Variants in HAGHL observed in about 807,000 individuals in gnomAD.
HAGHL encodes the protein hydroxyacylglutathione hydrolase like, also known as hydroxyacylglutathione hydrolase-like protein.
Under a neutral mutation model 29.2 loss-of-function variants are expected in HAGHL, and 27 were observed. That is an observed-to-expected ratio of 0.92 (90% CI 0.68 to 1.27). The LOEUF is 1.27. Among genes scored for constraint, HAGHL ranks in the 50% most tolerant of loss-of-function variants. The probability of loss-of-function intolerance (pLI) is 0.00; values close to 1 mark genes in which losing one functional copy is unlikely to be tolerated. For missense variants in HAGHL, 529 were observed against 405.5 expected (o/e 1.30, Z -2.62); for synonymous variants, 223 against 185.7 (o/e 1.20, Z -1.63).
In HAGHL at chr16:728,284, C is replaced by A. The variant is rs536060448; in HGVS notation, c.289-32C>A. On this transcript the variant is annotated intron_variant, in intron 3 of 7. Coordinates refer to ENST00000389703, the MANE Select transcript of HAGHL (RefSeq NM_032304.4). ...GGGGAGGGCGCCCCGGGTCCACCCG[C>A]CCTCACAGGTCCGCCTGCTCCTCCG... 6.6e-6 allele frequency: 10 copies of A among 1,518,884 alleles called. No homozygotes were observed. The Admixed American group carries it at 1.0e-4, about 15-fold the overall frequency. The allele number at this position is 1,518,884 out of a possible 1,614,324, so 94.1% of individuals were successfully genotyped here.
In HAGHL at chr16:728,942, C is replaced by T. The variant is rs1259029354; in HGVS notation, c.600+47C>T. 6 of 1,434,994 alleles carry T rather than the reference C, an allele frequency of 4.2e-6. No individual in the cohort carries two copies. The African/African-American group carries it at 7.8e-5, about 19-fold the overall frequency. 88.9% of individuals were successfully genotyped at this position (1,434,994 alleles called of 1,614,324 possible). The stretch of plus-strand genomic sequence containing the variant: ...GGCAAGAGGGTGGGGGGGGAGGGAA[C>T]AGGCTTCGGGGTGGGGGGGGCTCTC... On this transcript the variant is annotated intron_variant, in intron 6 of 7. Transcript: ENST00000389703.
rs1473383393 is a variant in HAGHL at position 728,420 on chromosome 16, C to T, written c.393C>T (p.Phe131=). 28 of 1,105,618 alleles carry T rather than the reference C, an allele frequency of 2.5e-5. No homozygotes were observed. The highest frequency in any genetic ancestry group is 3.1e-5 in the Non-Finnish European group (25 of 802,764). The allele number at this position is 1,105,618 out of a possible 1,614,324, so 68.5% of individuals were successfully genotyped here. A position where few individuals can be genotyped will look rare whatever the true frequency, so the allele number is the denominator to read the frequency against. ...ATTGCCCGGACCCACCCGCCCTGTT[C>T]TCGGGTACCCGCAGCGCGGAGCGCG... The part of the protein sequence containing the change: ...EDDCPDPPAL[F]SGDALSVAGC... The change falls in exon 4 of 8, where the codon TTC becomes TTT. Residue 131 remains phenylalanine (F), a synonymous_variant. Transcript: ENST00000389703.
Position 727,273 on chromosome 16 carries a change from C to T in HAGHL, c.-237C>T. The T allele has an allele frequency of 2.2e-6, 1 of 454,030 alleles. No individual in the cohort carries two copies. The highest frequency in any genetic ancestry group is 3.9e-6 in the Non-Finnish European group (1 of 253,644). The allele number at this position is 454,030 out of a possible 1,614,324, so 28.1% of individuals were successfully genotyped here. ...CTGGGGCTCGGACTGGGGGCGGAGC[C>T]GGGGCTGGTTGGGGACCGGCCGGGT... is the stretch of plus-strand genomic sequence containing the variant. On this transcript the variant is annotated 5_prime_UTR_variant, in exon 1 of 8. Coordinates refer to ENST00000389703, the MANE Select transcript of HAGHL (RefSeq NM_032304.4).
Position 729,074 on chromosome 16 carries a change from C to G in HAGHL, c.666C>G (p.Pro222=). Residue 222 remains proline, a synonymous_variant, in exon 7 of 8, where the codon CCC becomes CCG. Transcript: ENST00000389703. ...TGGGCGAGGAGCGCCTCTACAACCCCTTCCTGCGGGTGGCGTGAGTATGGC... is the reference window on the plus strand; with the variant it reads ...TGGGCGAGGAGCGCCTCTACAACCCGTTCCTGCGGGTGGCGTGAGTATGGC... ...STLGEERLYN[P]FLRVAEEPVR... The G allele has an allele frequency of 6.2e-7, 1 of 1,609,554 alleles. No homozygotes were observed. Among genetic ancestry groups the G allele is most frequent in the Non-Finnish European group, 8.5e-7 (1 of 1,179,800 alleles).
Position 728,016 on chromosome 16 carries a change from A to C in HAGHL, c.157A>C (p.Thr53Pro), listed in dbSNP as rs1351104168. The C allele has an allele frequency of 6.3e-7, 1 of 1,598,394 alleles. No homozygotes were observed. ...EGVSLTAVLT[T>P]HHHWDHARGN... ...GGTGTCTCTGACCGCTGTGCTGACC[A>C]CCCACCATCACTGGTGAGCGCCGGC... The change falls in exon 2 of 8, where the codon ACC becomes CCC. Residue 53 changes from threonine to proline, a missense_variant. By Grantham distance (38) the Thr-to-Pro change is conservative. Coordinates refer to ENST00000389703, the MANE Select transcript of HAGHL (RefSeq NM_032304.4).
chr16:729,140 A>G, intron 7 of HAGHL, 52 bp downstream of exon 7: 3 of 1,599,522 alleles, frequency 1.9e-6, no homozygotes, highest in Non-Finnish European at 2.6e-6. Flanking sequence ...ACCCTTAGGA[A>G]GGCATCTGGG....
chr16:729,070 A>G lies in HAGHL; in HGVS notation c.662A>G (p.Asn221Ser). Residue 221 changes from asparagine to serine, a missense_variant, in exon 7 of 8, where the codon AAC becomes AGC. Asn to Ser is a conservative substitution (Grantham distance 46, BLOSUM62 1). Transcript: ENST00000389703. ...PSTLGEERLY[N>S]PFLRVAEEPV... is the part of the protein sequence containing the mutation. The stretch of plus-strand genomic sequence containing the variant: ...ACTCTGGGCGAGGAGCGCCTCTACA[A>G]CCCCTTCCTGCGGGTGGCGTGAGTA... 6.2e-7 allele frequency: 1 copy of G among 1,609,490 alleles called. No individual in the cohort carries two copies. The highest frequency in any genetic ancestry group is 1.1e-5 in the South Asian group (1 of 90,902).
At position 727,957 on chromosome 16, in the gene HAGHL, C is replaced by T. The variant is rs768413623; in HGVS notation, c.106-8C>T. On this transcript the variant is annotated splice_polypyrimidine_tract_variant and splice_region_variant and intron_variant, in intron 1 of 7. Transcript: ENST00000389703. ...CGTCTGTGTTACCGTCACTCCCGTC[C>T]CTTTCAGCTGCTGGAGATCGTGGGC... 2.8e-5 allele frequency: 45 copies of T among 1,606,772 alleles called. No individual in the cohort carries two copies. The South Asian group carries it at 4.4e-4, about 16-fold the overall frequency.
At position 729,648 on chromosome 16, in the gene HAGHL, C is replaced by CGGT. The variant is rs1434071814; in HGVS notation, c.*193_*194insGTG. Reference sequence around the variant, plus strand: ...CACTCAGTGGGGCCTGTGTGGGCGCCGAGACCTGGGTGTCTGGGAAGTGGG... The same window carrying CGGT: ...CACTCAGTGGGGCCTGTGTGGGCGCCGGTGAGACCTGGGTGTCTGGGAAGTGGG... On this transcript the variant is annotated 3_prime_UTR_variant, in exon 8 of 8. Coordinates refer to ENST00000389703, the MANE Select transcript of HAGHL (RefSeq NM_032304.4). 27 of 1,514,654 alleles carry CGGT rather than the reference C, an allele frequency of 1.8e-5. No individual in the cohort carries two copies. The highest frequency in any genetic ancestry group is 2.2e-5 in the Non-Finnish European group (25 of 1,135,718). The allele number at this position is 1,514,654 out of a possible 1,614,324, so 93.8% of individuals were successfully genotyped here. A position where few individuals can be genotyped will look rare whatever the true frequency, so the allele number is the denominator to read the frequency against.
intron 2 of HAGHL, 32 bp from the exon 3 acceptor site, chr16:728,074 TCCCAACCCGA>T (rs762431399): frequency 1.3e-6 from 2 of 1,542,646 alleles, no homozygotes; most frequent in South Asian, 2.5e-5. Flanking sequence ...CGCCGCCTTG[TCCCAACCCGA>T]CCTAACCCGG....
chr16:729,061 G>C lies in HAGHL; in HGVS notation c.653G>C (p.Arg218Pro). The C allele has an allele frequency of 6.2e-7, 1 of 1,609,930 alleles. No individual in the cohort carries two copies. Among genetic ancestry groups the C allele is most frequent in the Non-Finnish European group, 8.5e-7 (1 of 1,179,770 alleles). ...PTVPSTLGEERLYNPFLRVAE... is the reference protein window; with the variant it reads ...PTVPSTLGEEPLYNPFLRVAE... ...GTGCCGTCGACTCTGGGCGAGGAGCGCCTCTACAACCCCTTCCTGCGGGTG... is the reference window on the plus strand; with the variant it reads ...GTGCCGTCGACTCTGGGCGAGGAGCCCCTCTACAACCCCTTCCTGCGGGTG... Residue 218 changes from arginine to proline, a missense_variant, in exon 7 of 8, where the codon CGC (arginine) becomes CCC (proline). By Grantham distance (103) the Arg-to-Pro change is moderately radical (BLOSUM62 -2). Transcript: ENST00000389703.
chr16:727,863 C>T (rs1567334726), intron 1 of HAGHL, 102 bp from the exon 2 acceptor site: 3 of 1,284,536 alleles, frequency 2.3e-6, no homozygotes, highest in Non-Finnish European at 3.3e-6. Flanking sequence ...CGGCGCTCCC[C>T]GGGGCTCTGG....
In HAGHL at chr16:727,460, G is replaced by A. The variant is rs2041049137; in HGVS notation, c.-50G>A. 8.6e-7 allele frequency: 1 copy of A among 1,156,330 alleles called. No homozygotes were observed. The highest frequency in any genetic ancestry group is 1.3e-5 in the South Asian group (1 of 76,602). The allele number at this position is 1,156,330 out of a possible 1,614,324, so 71.6% of individuals were successfully genotyped here. On this transcript the variant is annotated 5_prime_UTR_variant, in exon 1 of 8. Coordinates refer to ENST00000389703, the MANE Select transcript of HAGHL (RefSeq NM_032304.4). ...GGCCCCGCCCTGAAGGGGCACCGTG[G>A]GCTGGGGGGCCTGTTTTGGAGCAGG...
intron 6 of HAGHL, 47 bp downstream of exon 6, chr16:728,942 C>A (rs1259029354): frequency 1.4e-6 from 2 of 1,434,996 alleles, no homozygotes; most frequent in Non-Finnish European, 1.8e-6. Context: ...GGGGAGGGAA[C>A]AGGCTTCGGG....
rs776435642 is a variant in HAGHL at position 728,845 on chromosome 16, A to G, written c.550A>G (p.Lys184Glu). ...GCTTAGCAACCTGGAGTTTGCCCAG[A>G]AAGTGGAGCCCTGCAACGACCACGT... is the stretch of plus-strand genomic sequence containing the variant. ...HTLSNLEFAQ[K>E]VEPCNDHVRA... is the part of the protein sequence containing the mutation. The change falls in exon 6 of 8, where the codon AAA (lysine) becomes GAA (glutamate). Residue 184 changes from lysine (K) to glutamate (E), a missense_variant. By Grantham distance (56) the Lys-to-Glu change is moderately conservative. Transcript: ENST00000389703. 10 of 1,610,094 alleles carry G rather than the reference A, an allele frequency of 6.2e-6. No homozygotes were observed. The highest frequency in any genetic ancestry group is 8.5e-6 in the Non-Finnish European group (10 of 1,178,768).
Position 729,282 on chromosome 16 carries a change from C to T in HAGHL, c.681-6C>T, listed in dbSNP as rs534080307. 2.0e-6 allele frequency: 3 copies of T among 1,521,788 alleles called. No homozygotes were observed. The South Asian group carries it at 3.8e-5, about 19-fold the overall frequency. 94.3% of individuals were successfully genotyped at this position (1,521,788 alleles called of 1,614,324 possible). ...GCCCTGCGCCTCACTGCACCCCTCC[C>T]TGCAGAGAGGAGCCGGTGCGCAAGT... On this transcript the variant is annotated splice_polypyrimidine_tract_variant and splice_region_variant and intron_variant, in intron 7 of 7. Coordinates refer to ENST00000389703, the MANE Select transcript of HAGHL (RefSeq NM_032304.4).
At chr16:728,275 G>A (rs762832564) in intron 3 of HAGHL, 41 bp from the exon 4 acceptor site, 13 of 1,511,616 alleles carry the variant, frequency 8.6e-6, no homozygotes, top group African/African-American at 1.4e-5. Flanking sequence ...GGCGCCCCGG[G>A]TCCACCCGCC....
rs2041108368 is a variant in HAGHL at position 727,966 on chromosome 16, T to C, written c.107T>C (p.Leu36Pro). The part of the protein sequence containing the change: ...VAVDVAVPKR[L>P]LEIVGREGVS... ...TACCGTCACTCCCGTCCCTTTCAGC[T>C]GCTGGAGATCGTGGGCCGGGAGGGG... Residue 36 changes from leucine (L) to proline (P), a missense_variant and splice_region_variant, in exon 2 of 8, where the codon CTG becomes CCG. Coordinates refer to ENST00000389703, the MANE Select transcript of HAGHL (RefSeq NM_032304.4). 2 of 1,607,184 alleles carry C rather than the reference T, an allele frequency of 1.2e-6. No homozygotes were observed. Among genetic ancestry groups the C allele is most frequent in the Admixed American group, 1.7e-5 (1 of 59,702 alleles).
At position 728,422 on chromosome 16, in the gene HAGHL, CG is replaced by C. The variant is rs1167855987; in HGVS notation, c.397+1del. 2 of 1,469,114 alleles carry C rather than the reference CG, an allele frequency of 1.4e-6. No homozygotes were observed. Among genetic ancestry groups the C allele is most frequent in the Admixed American group, 3.9e-5 (2 of 51,132 alleles). 91.0% of individuals were successfully genotyped at this position (1,469,114 alleles called of 1,614,324 possible). On this transcript the variant is annotated frameshift_variant and splice_region_variant, in exon 4 of 8. Coordinates refer to ENST00000389703, the MANE Select transcript of HAGHL (RefSeq NM_032304.4). LOFTEE classifies it high-confidence loss of function. Reference sequence around the variant, plus strand: ...TGCCCGGACCCACCCGCCCTGTTCTCGGGTACCCGCAGCGCGGAGCGCGCCC... The same window carrying C: ...TGCCCGGACCCACCCGCCCTGTTCTCGGTACCCGCAGCGCGGAGCGCGCCC... ...DDCPDPPALF[S>X]GDALSVAGCG...
Sources: allele counts gnomAD v4.1 joint callset, GRCh38; gene constraint gnomAD v4.1.1; transcripts MANE v1.5; gene names NCBI Gene and HGNC (gene_info 2026-07-23, HGNC 2026-07-21).